Variants in EPHA3 observed in about 807,000 individuals in gnomAD.
EPHA3 encodes EPH receptor A3.
Under a neutral mutation model 107.1 loss-of-function variants are expected in EPHA3, and 42 were observed. That is an observed-to-expected ratio of 0.39 (90% CI 0.31 to 0.51). The LOEUF is 0.51. EPHA3 is among the 20% of genes least tolerant of loss of function. EPHA3 has a pLI of 0.78. For missense variants in EPHA3, 1,183 were observed against 1,211.2 expected (o/e 0.98, Z 0.35); for synonymous variants, 461 against 424.8 (o/e 1.09, Z -1.05).
chr3:89,168,921 A>C (rs1705142288), intron 2 of EPHA3, among the ~76,000 whole-genome samples: 1 of 152,130 alleles, frequency 6.6e-6, no homozygotes, highest in Non-Finnish European at 1.5e-5. Context: ...TCTCAGAGAG[A>C]TGTTTTTCCA....
At chr3:89,280,599 A>T (rs1705920243) in intron 3 of EPHA3, among the ~76,000 whole-genome samples, 1 of 152,174 alleles carries the variant, frequency 6.6e-6, no homozygotes, top group South Asian at 2.1e-4. Context: ...GCATTGAGCA[A>T]TGCATCAATG....
chr3:89,203,319 G>A (rs1706017020), intron 2 of EPHA3, among the ~76,000 whole-genome samples: 2 of 71,568 alleles, frequency 2.8e-5, no homozygotes, highest in African/African-American at 4.0e-5. Flanking sequence ...CTGCTTAGCC[G>A]GAATTAAAAA....
rs1167623331 is a variant in EPHA3 at position 89,127,292 on chromosome 3, C to T, written c.153+19C>T. ...ACATGGGGTGAGTTCAATAAACTAT[C>T]ACAAGGAAACATTTTCTCTATTACC... On this transcript the variant is annotated intron_variant, in intron 2 of 16. Coordinates refer to ENST00000336596, the MANE Select transcript of EPHA3 (RefSeq NM_005233.6). 6.3e-7 allele frequency: 1 copy of T among 1,582,504 alleles called. No individual in the cohort carries two copies. The highest frequency in any genetic ancestry group is 1.7e-5 in the Admixed American group (1 of 59,716).
At chr3:89,201,281 G>C (rs1705961960) in intron 2 of EPHA3, among the ~76,000 whole-genome samples, 1 of 152,054 alleles carries the variant, frequency 6.6e-6, no homozygotes, top group South Asian at 2.1e-4. Flanking sequence ...CCACCCCCAT[G>C]GTCCAATCAC....
At chr3:89,419,919 A>G (rs1391281090) in intron 11 of EPHA3, among the ~76,000 whole-genome samples, 9 of 151,338 alleles carry the variant, frequency 5.9e-5, no homozygotes, top group Non-Finnish European at 7.4e-5. Flanking sequence ...TTCTCTGTGG[A>G]TTTTAAATAG....
chr3:89,432,585 C>A (rs1425801188), intron 13 of EPHA3, among the ~76,000 whole-genome samples: 1 of 151,842 alleles, frequency 6.6e-6, no homozygotes, highest in Non-Finnish European at 1.5e-5. Flanking sequence ...TTAAGTTTTT[C>A]TTTAAAGAAA....
At chr3:89,204,790 T>C (rs1706061007) in intron 2 of EPHA3, among the ~76,000 whole-genome samples, 1 of 152,114 alleles carries the variant, frequency 6.6e-6, no homozygotes, top group Non-Finnish European at 1.5e-5. Flanking sequence ...GCCTGGTAAA[T>C]GCCCAAATAC....
At chr3:89,412,302 C>T (rs1709170209) in intron 9 of EPHA3, among the ~76,000 whole-genome samples, 1 of 151,520 alleles carries the variant, frequency 6.6e-6, no homozygotes, top group Admixed American at 6.6e-5. Context: ...AGGATATGAA[C>T]ATTTTTACCT....
chr3:89,185,957 T>C (rs1576213162), intron 2 of EPHA3, among the ~76,000 whole-genome samples: 1 of 152,248 alleles, frequency 6.6e-6, no homozygotes, highest in East Asian at 1.9e-4. Flanking sequence ...ATGCTTATTT[T>C]GTTTGCAAGA....
chr3:89,355,090 T>C (rs2107448571), intron 5 of EPHA3, among the ~76,000 whole-genome samples: 1 of 150,312 alleles, frequency 6.7e-6, no homozygotes, highest in African/African-American at 2.4e-5. Flanking sequence ...TTCATTTCAA[T>C]TGGAAAAAAA....
intron 2 of EPHA3, among the ~76,000 whole-genome samples, chr3:89,182,119 T>C (rs1705456111): frequency 6.6e-6 from 1 of 151,876 alleles, no homozygotes; most frequent in Non-Finnish European, 1.5e-5. Flanking sequence ...TCTTCTCTTC[T>C]TTATGACTTT....
intron 7 of EPHA3, among the ~76,000 whole-genome samples, chr3:89,405,114 G>A (rs1709032551): frequency 1.3e-5 from 2 of 152,090 alleles, no homozygotes; most frequent in South Asian, 2.1e-4. Flanking sequence ...CAGGCAAGCA[G>A]AACCTCAGAC....
intron 3 of EPHA3, among the ~76,000 whole-genome samples, chr3:89,301,837 A>AC (rs1706498520): frequency 6.6e-6 from 1 of 152,148 alleles, no homozygotes; most frequent in Non-Finnish European, 1.5e-5. Context: ...GGGTGTTGAT[A>AC]AACTCTGTAA....
At chr3:89,316,688 C>G (rs1358680722) in intron 3 of EPHA3, among the ~76,000 whole-genome samples, 1 of 150,930 alleles carries the variant, frequency 6.6e-6, no homozygotes, top group South Asian at 2.1e-4. Flanking sequence ...TTAATGCTCT[C>G]TTATGGAAAA....
At chr3:89,225,308 G>GA (rs1704478971) in intron 3 of EPHA3, among the ~76,000 whole-genome samples, 1 of 152,054 alleles carries the variant, frequency 6.6e-6, no homozygotes, top group Admixed American at 6.6e-5. Flanking sequence ...TGAATCCTCG[G>GA]AAAATACTCT....
chr3:89,384,557 G>A (rs1321577665), intron 5 of EPHA3, among the ~76,000 whole-genome samples: 1 of 152,102 alleles, frequency 6.6e-6, no homozygotes, highest in East Asian at 1.9e-4. Flanking sequence ...TGTGAAGCAT[G>A]TATTTTTCAT....
At chr3:89,164,119 C>G (rs6551398) in intron 2 of EPHA3, among the ~76,000 whole-genome samples, 144,713 of 152,250 alleles carry the variant, frequency 0.95, 68,854 homozygotes, top group African/African-American at 0.97. Context: ...GTAGAGAAGA[C>G]TAATTGATTT....
At chr3:89,192,288 T>C (rs1357625259) in intron 2 of EPHA3, among the ~76,000 whole-genome samples, 1 of 152,144 alleles carries the variant, frequency 6.6e-6, no homozygotes, top group Admixed American at 6.5e-5. Context: ...TAACTTACAT[T>C]CAACACCTAC....
At chr3:89,148,847 A>G (rs1431329639) in intron 2 of EPHA3, among the ~76,000 whole-genome samples, 2 of 152,048 alleles carry the variant, frequency 1.3e-5, no homozygotes, top group South Asian at 2.1e-4. Context: ...TAAGTTAGGT[A>G]TTTGCAAATA....
Sources: allele counts gnomAD v4.1 joint callset (sites outside exome capture counted in the v4.1 genomes callset), GRCh38; gene constraint gnomAD v4.1.1; transcripts MANE v1.5; gene names NCBI Gene and HGNC (gene_info 2026-07-23, HGNC 2026-07-21).